The following FGF13 variants were observed in gnomAD, a reference collection of about 807,000 sequenced individuals.
FGF13 encodes the protein fibroblast growth factor homologous factor 2.
FGF13 carries 2 observed loss-of-function variants against 19.5 expected under a neutral mutation model. The ratio of observed to expected loss-of-function variants is 0.10; its 90% CI spans 0.04 to 0.32. FGF13 has a LOEUF of 0.32. Ranked by LOEUF, FGF13 falls within the 10% of genes least tolerant of loss-of-function variation. The probability of loss-of-function intolerance (pLI) is 1.00; values close to 1 mark genes in which losing one functional copy is unlikely to be tolerated. For missense variants in FGF13, 113 were observed against 192.7 expected (o/e 0.59, Z 2.45); for synonymous variants, 72 against 76.9 (o/e 0.94, Z 0.33).
chrX:138,727,750 A>T (rs1285126519), intron 1 of FGF13, among the ~76,000 whole-genome samples: 1 of 111,732 alleles, frequency 8.9e-6, no homozygotes, highest in African/African-American at 3.2e-5. Context: ...GTGTTTGAAT[A>T]TATAGCCCAT....
chrX:138,718,725 T>C (rs973368905), intron 1 of FGF13, among the ~76,000 whole-genome samples: 1 of 111,887 alleles, frequency 8.9e-6, no homozygotes, highest in Non-Finnish European at 1.9e-5. Context: ...GAGAAAATAC[T>C]ATCCTCCATA....
chrX:138,860,658 T>C (rs1052554878), intron 2 of FGF13, among the ~76,000 whole-genome samples: 42 of 111,793 alleles, frequency 3.8e-4, no homozygotes, highest in African/African-American at 1.3e-3. Flanking sequence ...AAAATTCCAG[T>C]GATTAGGTAG....
At chrX:138,680,669 T>C (rs5974772) in intron 3 of FGF13, among the ~76,000 whole-genome samples, 2,209 of 111,750 alleles carry the variant, frequency 0.02, 47 homozygotes, top group African/African-American at 0.066. Flanking sequence ...AGGCTTTGTT[T>C]TTCCATTTAT....
chrX:139,064,281 CTTTTTTTTTTTTTTT>C (rs139084376), intron 1 of FGF13, among the ~76,000 whole-genome samples: 383 of 23,182 alleles, frequency 0.017, 58 homozygotes, highest in African/African-American at 0.08. Flanking sequence ...CTTTTTTTTT[CTTTTTTTTTTTTTTT>C]TTTTTTTTTT....
intron 1 of FGF13, among the ~76,000 whole-genome samples, chrX:139,187,006 G>A (rs1157409931): frequency 8.9e-6 from 1 of 112,744 alleles, no homozygotes; most frequent in Non-Finnish European, 1.9e-5. Flanking sequence ...CTATTTGCTT[G>A]TCTGTCTTCC....
chrX:139,158,241 T>C (rs2083995965), intron 1 of FGF13, among the ~76,000 whole-genome samples: 1 of 108,217 alleles, frequency 9.2e-6, no homozygotes, highest in African/African-American at 3.4e-5. Flanking sequence ...CAGTGGTGCC[T>C]GGAACACCAG....
chrX:138,817,001 G>T (rs889512164), intron 3 of FGF13, among the ~76,000 whole-genome samples: 1 of 111,930 alleles, frequency 8.9e-6, no homozygotes, highest in African/African-American at 3.2e-5. Flanking sequence ...TAAGTGAAAA[G>T]AATATTTTAC....
chrX:138,816,122 T>G (rs754626258), intron 3 of FGF13, among the ~76,000 whole-genome samples: 1 of 111,577 alleles, frequency 9.0e-6, no homozygotes, highest in African/African-American at 3.2e-5. Context: ...ACCTCTAATA[T>G]GCAAAGAATT....
rs2089082482 is a variant in FGF13, at chrX:138,628,133, A to G, written c.*4717T>C. 1 of 111,408 alleles carries G rather than the reference A, an allele frequency of 9.0e-6. No individual in the cohort carries two copies. The highest frequency in any genetic ancestry group is 3.3e-5 in the African/African-American group (1 of 30,593). 9.2% of individuals were successfully genotyped at this position (111,408 alleles called of 1,213,427 possible). A position where few individuals can be genotyped will look rare whatever the true frequency, so the allele number is the denominator to read the frequency against. ...CATTCTCTCTCTCTCTGTTTCTTGG[A>G]GATAAAGAGCAGTCCAGAATTAGAG... On this transcript the variant is annotated 3_prime_UTR_variant, in exon 5 of 5. Coordinates refer to ENST00000315930, the MANE Select transcript of FGF13 (RefSeq NM_004114.5).
intron 1 of FGF13, among the ~76,000 whole-genome samples, chrX:139,033,585 A>G (rs1200553145): frequency 1.8e-5 from 2 of 112,129 alleles, no homozygotes; most frequent in African/African-American, 6.5e-5. Flanking sequence ...GCTATTTTCA[A>G]TATACTACAG....
At chrX:138,839,785 C>T (rs889104650) in intron 3 of FGF13, among the ~76,000 whole-genome samples, 2 of 111,432 alleles carry the variant, frequency 1.8e-5, no homozygotes, top group Non-Finnish European at 3.8e-5. Flanking sequence ...AAGTCAGTAA[C>T]CCAGGTAACA....
At chrX:139,175,309 G>A (rs1423771393) in intron 1 of FGF13, among the ~76,000 whole-genome samples, 4 of 112,013 alleles carry the variant, frequency 3.6e-5, no homozygotes. Context: ...GAAAGGATGG[G>A]GTTGTCTAAT....
At chrX:138,950,410 T>C (rs1403313145) in intron 1 of FGF13, among the ~76,000 whole-genome samples, 3 of 112,279 alleles carry the variant, frequency 2.7e-5, no homozygotes, top group African/African-American at 6.5e-5. Flanking sequence ...TGTTAGCTAG[T>C]GCGTTCATAT....
intron 1 of FGF13, among the ~76,000 whole-genome samples, chrX:139,111,943 G>A (rs927234241): frequency 8.9e-6 from 1 of 111,899 alleles, no homozygotes; most frequent in African/African-American, 3.2e-5. Context: ...CTGTTTCTAT[G>A]TGGAAAAATA....
In FGF13 at chrX:138,914,620, C is replaced by T. The variant is rs1019506861; in HGVS notation, c.-112-49970G>A. Among the ~76,000 whole-genome samples, 8 of 94,889 alleles carry T rather than the reference C, an allele frequency of 8.4e-5. No homozygotes were observed. The East Asian group carries it at 2.0e-3, about 23-fold the overall frequency. The allele number at this position is 94,889 out of a possible 115,157, so 82.4% of individuals were successfully genotyped here. A position where few individuals can be genotyped will look rare whatever the true frequency, so the allele number is the denominator to read the frequency against. ...TGTACAGCCAAGACCTCACTAGTTTCGAAGCTTGTGTTGGACTTTTTTTTT... is the reference window on the plus strand; with the variant it reads ...TGTACAGCCAAGACCTCACTAGTTTTGAAGCTTGTGTTGGACTTTTTTTTT... On this transcript the variant is annotated intron_variant, in intron 1 of 2. Transcript: ENST00000421460.
chrX:138,693,811 G>C (rs2089863422), intron 3 of FGF13, among the ~76,000 whole-genome samples: 1 of 111,095 alleles, frequency 9.0e-6, no homozygotes, highest in Non-Finnish European at 1.9e-5. Context: ...TTCAATATTG[G>C]ATGTGATGCT....
At chrX:139,087,089 G>A (rs771938640) in intron 1 of FGF13, among the ~76,000 whole-genome samples, 20 of 112,226 alleles carry the variant, frequency 1.8e-4, no homozygotes, top group Non-Finnish European at 3.4e-4. Flanking sequence ...CTGAAGTCGG[G>A]AGTTCGAGAC....
intron 1 of FGF13, among the ~76,000 whole-genome samples, chrX:139,174,384 T>C (rs948119419): frequency 7.1e-5 from 8 of 112,531 alleles, no homozygotes; most frequent in African/African-American, 2.3e-4. Context: ...TTTCTTTTGC[T>C]GTTCAGAAGC....
Position 139,080,674 on chromosome X carries a change from G to C in FGF13, c.-113+122742C>G, listed in dbSNP as rs768640716. ...CTGAAGGCCTCATACCCCAAGTGTG[G>C]GCCATCGGTGCTGTCTGCCATCTAT... On this transcript the variant is annotated intron_variant, in intron 1 of 2. Coordinates refer to the FGF13 transcript ENST00000421460. Among the ~76,000 whole-genome samples, 14 of 111,558 alleles carry C rather than the reference G, an allele frequency of 1.3e-4. 1 individual carries two copies. The East Asian group carries it at 4.0e-3, about 32-fold the overall frequency.
Sources: gnomAD v4.1 joint callset for allele counts (sites outside exome capture counted in the v4.1 genomes callset) on GRCh38, gnomAD v4.1.1 for gene constraint, MANE v1.5 for transcripts, NCBI Gene and HGNC (gene_info 2026-07-23, HGNC 2026-07-21) for gene names.